The following CDK19 variants were observed in gnomAD, a reference collection of about 807,000 sequenced individuals.
CDK19 encodes cyclin dependent kinase 19.
CDK19 carries 20 observed loss-of-function variants against 68.3 expected under a neutral mutation model. That is an observed-to-expected ratio of 0.29 (90% CI 0.21 to 0.43). The LOEUF (loss-of-function observed/expected upper bound fraction) is 0.43. Among genes scored for constraint, CDK19 ranks in the 20% least tolerant of loss-of-function variants. CDK19 has a pLI of 1.00. For missense variants in CDK19, 339 were observed against 623.5 expected (o/e 0.54, Z 4.86); for synonymous variants, 221 against 222.8 (o/e 0.99, Z 0.07).
chr6:110,815,210 A>C lies in CDK19; in HGVS notation c.-74T>G, dbSNP rs1583169946. 2.2e-6 allele frequency: 3 copies of C among 1,357,526 alleles called. No individual in the cohort carries two copies. 84.1% of individuals were successfully genotyped at this position (1,357,526 alleles called of 1,614,324 possible). On this transcript the variant is annotated 5_prime_UTR_variant, in exon 1 of 13. Transcript: ENST00000368911. Reference sequence around the variant, plus strand: ...AGTCCCTCCTCCTCCTCCCCCCGCGACCGCCGCTCCACTTCTCCAACAGCC... The same window carrying C: ...AGTCCCTCCTCCTCCTCCCCCCGCGCCCGCCGCTCCACTTCTCCAACAGCC...
At chr6:110,646,901 C>T (rs1390381160) in intron 4 of CDK19, among the ~76,000 whole-genome samples, 1 of 152,014 alleles carries the variant, frequency 6.6e-6, no homozygotes, top group African/African-American at 2.4e-5. Flanking sequence ...GTAATTGCTG[C>T]CTCGGGCCGC....
chr6:110,798,203 A>C (rs1782083807), intron 1 of CDK19, among the ~76,000 whole-genome samples: 1 of 152,172 alleles, frequency 6.6e-6, no homozygotes, highest in Admixed American at 6.5e-5. Flanking sequence ...AGGGTAGATT[A>C]GAAGCTATTA....
At chr6:110,689,289 G>A (rs1405418122) in intron 2 of CDK19, among the ~76,000 whole-genome samples, 2 of 152,082 alleles carry the variant, frequency 1.3e-5, no homozygotes, top group Non-Finnish European at 2.9e-5. Context: ...CTACCTGACT[G>A]AGCCCCCACC....
chr6:110,633,712 C>T (rs1336381166), intron 5 of CDK19, among the ~76,000 whole-genome samples: 1 of 152,166 alleles, frequency 6.6e-6, no homozygotes, highest in African/African-American at 2.4e-5. Context: ...AAGTCCTTTG[C>T]AGTTTACAAA....
At chr6:110,736,614 T>C (rs1777272051) in intron 2 of CDK19, among the ~76,000 whole-genome samples, 1 of 152,244 alleles carries the variant, frequency 6.6e-6, no homozygotes, top group African/African-American at 2.4e-5. Flanking sequence ...TTTGGTATCT[T>C]CTATAAGAAC....
chr6:110,666,811 G>C (rs1781972193), intron 4 of CDK19, among the ~76,000 whole-genome samples: 1 of 151,914 alleles, frequency 6.6e-6, no homozygotes, highest in African/African-American at 2.4e-5. Context: ...ACAAACAAAA[G>C]AAACTTGCAT....
chr6:110,670,202 T>A (rs1361972121), intron 3 of CDK19, among the ~76,000 whole-genome samples: 1 of 145,640 alleles, frequency 6.9e-6, no homozygotes, highest in Non-Finnish European at 1.5e-5. Context: ...CTCCCATTCA[T>A]TAAAATCTTT....
intron 4 of CDK19, chr6:110,646,346 C>T (rs971506329): frequency 6.8e-7 from 1 of 1,465,724 alleles, no homozygotes. Context: ...GCATGCACTT[C>T]GAGTGCCTCT....
chr6:110,738,236 G>A lies in CDK19; in HGVS notation c.204+7890C>T, dbSNP rs1308468446. Among the ~76,000 whole-genome samples the A allele has an allele frequency of 4.6e-5, 7 of 152,058 alleles. No homozygotes were observed. In the South Asian group the frequency reaches 8.3e-4, roughly 18 times the overall value. On this transcript the variant is annotated intron_variant, in intron 2 of 12. Transcript: ENST00000368911. ...TGTAAAACATAAAAACAAGCCAGGT[G>A]TGGTGGCTCATGTCTGTAATCACAG...
chr6:110,652,881 G>A (rs979751765), intron 4 of CDK19, among the ~76,000 whole-genome samples: 1 of 152,118 alleles, frequency 6.6e-6, no homozygotes, highest in Non-Finnish European at 1.5e-5. Flanking sequence ...CTGAGATGAG[G>A]GCAGAGGCAG....
intron 2 of CDK19, among the ~76,000 whole-genome samples, chr6:110,690,362 A>C (rs899776824): frequency 2.0e-5 from 3 of 150,492 alleles, no homozygotes; most frequent in African/African-American, 7.3e-5. Flanking sequence ...TCTAGGAGAT[A>C]GATAGCTTCC....
rs183536050 is a variant in CDK19, at chr6:110,675,661, A to C, written c.205-5120T>G. Among the ~76,000 whole-genome samples, 93 of 151,896 alleles carry C rather than the reference A, an allele frequency of 6.1e-4. 1 individual carries two copies. Among genetic ancestry groups the C allele is most frequent in the Admixed American group, 2.3e-3 (35 of 15,246 alleles). On this transcript the variant is annotated intron_variant, in intron 2 of 12. Transcript: ENST00000368911. Reference sequence around the variant, plus strand: ...AAAAAAAAAAAAAAGAATTATGCTAAATCTACTCTACCTGTGCTCCATAAA... The same window carrying C: ...AAAAAAAAAAAAAAGAATTATGCTACATCTACTCTACCTGTGCTCCATAAA...
chr6:110,785,974 C>A (rs956467367), intron 1 of CDK19, among the ~76,000 whole-genome samples: 2 of 149,448 alleles, frequency 1.3e-5, no homozygotes, highest in Non-Finnish European at 3.0e-5. Flanking sequence ...GAGCGAAACT[C>A]CATCTCAAAA....
At position 110,622,719 on chromosome 6, in the gene CDK19, G is replaced by C; in HGVS notation, c.1031+96C>G. 3.7e-6 allele frequency: 3 copies of C among 801,038 alleles called. No homozygotes were observed. In the South Asian group the frequency reaches 4.2e-5, roughly 11 times the overall value. 49.6% of individuals were successfully genotyped at this position (801,038 alleles called of 1,614,324 possible). ...GTCTTTAGGTGGTATCATTGAAAAAGTTAAATACTTCAGTAGCAAGTGCTT... is the reference window on the plus strand; with the variant it reads ...GTCTTTAGGTGGTATCATTGAAAAACTTAAATACTTCAGTAGCAAGTGCTT... On this transcript the variant is annotated intron_variant, in intron 10 of 12. Transcript: ENST00000368911.
chr6:110,644,109 T>G (rs1780381723), intron 4 of CDK19, among the ~76,000 whole-genome samples: 1 of 151,932 alleles, frequency 6.6e-6, no homozygotes, highest in Admixed American at 6.6e-5. Context: ...CTGGCCAACA[T>G]GGTGAAACCC....
intron 4 of CDK19, among the ~76,000 whole-genome samples, chr6:110,654,068 T>C (rs1037452650): frequency 2.0e-5 from 3 of 152,178 alleles, no homozygotes; most frequent in African/African-American, 7.2e-5. Context: ...AGAATATCAA[T>C]TGGAGTAGTT....
intron 1 of CDK19, among the ~76,000 whole-genome samples, chr6:110,794,944 T>C (rs1050526026): frequency 3.3e-4 from 50 of 152,210 alleles, no homozygotes; most frequent in African/African-American, 1.1e-3. Context: ...TAGATAAATA[T>C]AAAATATTCC....
In CDK19 at chr6:110,815,253, G is replaced by GCA; in HGVS notation, c.-118_-117insTG. 1.7e-6 allele frequency: 2 copies of GCA among 1,180,654 alleles called. No individual in the cohort carries two copies. The allele number at this position is 1,180,654 out of a possible 1,614,324, so 73.1% of individuals were successfully genotyped here. ...CAACAGCCGCCTCTCGCGCGCGCGC[G>GCA]CGCGCCGCCCGCCGCCCGCCGCTCC... On this transcript the variant is annotated 5_prime_UTR_variant, in exon 1 of 13. Transcript: ENST00000368911.
chr6:110,656,106 T>C (rs1460236119), intron 4 of CDK19, among the ~76,000 whole-genome samples: 1 of 152,228 alleles, frequency 6.6e-6, no homozygotes, highest in Non-Finnish European at 1.5e-5. Context: ...AGGTACTTAG[T>C]ACCTTATGCT....
Sources: gnomAD v4.1 joint callset for allele counts (sites outside exome capture counted in the v4.1 genomes callset) on GRCh38, gnomAD v4.1.1 for gene constraint, MANE v1.5 for transcripts, NCBI Gene and HGNC (gene_info 2026-07-23, HGNC 2026-07-21) for gene names.